Variants in PMF1 observed in about 807,000 individuals in gnomAD.
PMF1 encodes polyamine modulated factor 1.
Under a neutral mutation model 26.7 loss-of-function variants are expected in PMF1, and 21 were observed. The ratio of observed to expected loss-of-function variants is 0.79; its 90% confidence interval spans 0.56 to 1.13. PMF1 has a LOEUF of 1.13. Among genes scored for constraint, PMF1 ranks in the 50% most tolerant of loss-of-function variants. The pLI is 0.00. For synonymous variants in PMF1, 105 were observed against 101.0 expected, an observed-to-expected ratio of 1.04 and a Z score of -0.24; for missense variants, 266 against 254.9, an observed-to-expected ratio of 1.04 and a Z score of -0.30.
intron 1 of PMF1, among the ~76,000 whole-genome samples, chr1:156,228,210 C>A (rs1018966813): frequency 6.7e-6 from 1 of 149,530 alleles, no homozygotes; most frequent in African/African-American, 2.5e-5. Context: ...CCCGCCTCGG[C>A]CTCCCAAAGT....
At chr1:156,227,535 C>T (rs1479272872) in intron 1 of PMF1, among the ~76,000 whole-genome samples, 1 of 149,162 alleles carries the variant, frequency 6.7e-6, no homozygotes, top group Non-Finnish European at 1.5e-5. Context: ...CTTGCTCTGT[C>T]GCCCAGGCTA....
At chr1:156,225,593 C>G in intron 1 of PMF1, 1 of 1,560,348 alleles carries the variant, frequency 6.4e-7, no homozygotes, top group African/African-American at 1.4e-5. Context: ...GTGCTGGTCC[C>G]CGCCTGCCCT....
intron 1 of PMF1, among the ~76,000 whole-genome samples, chr1:156,218,750 C>A (rs1657917100): frequency 6.6e-6 from 1 of 151,826 alleles, no homozygotes; most frequent in Admixed American, 6.6e-5. Context: ...CCACTGCATT[C>A]CAGCCTGGGT....
intron 1 of PMF1, among the ~76,000 whole-genome samples, chr1:156,216,319 A>T (rs1657696845): frequency 1.3e-5 from 2 of 152,132 alleles, no homozygotes; most frequent in Non-Finnish European, 2.9e-5. Flanking sequence ...TGAACCTGGG[A>T]AGCGGAGGTT....
intron 1 of PMF1, among the ~76,000 whole-genome samples, chr1:156,217,736 A>G (rs1417115314): frequency 1.3e-5 from 2 of 152,104 alleles, no homozygotes; most frequent in African/African-American, 4.8e-5. Flanking sequence ...TCAAAAAAAA[A>G]AAAAAAACAA....
chr1:156,233,763 A>T, intron 3 of PMF1, 35 bp downstream of exon 3: 1 of 1,570,464 alleles, frequency 6.4e-7, no homozygotes, highest in South Asian at 1.2e-5. Flanking sequence ...AAGGTACAGG[A>T]AAGAGGCAGC....
rs1658222929 is a variant in PMF1 at position 156,224,028 on chromosome 1, A to ATCTT, written c.162-8288_162-8285dup. On this transcript the variant is annotated intron_variant, in intron 1 of 4. Coordinates refer to ENST00000368277, the MANE Select transcript of PMF1 (RefSeq NM_007221.4). ...TTTATCAAACCACAAAGTTTCTTCC[A>ATCTT]TCTTTCTCAGGAAAAGTATCCCAAT... 3.3e-5 allele frequency: 5 copies of ATCTT among 152,172 alleles called. No homozygotes were observed. The South Asian group carries it at 1.0e-3, about 31-fold the overall frequency. 9.4% of individuals were successfully genotyped at this position (152,172 alleles called of 1,614,324 possible).
chr1:156,233,337 T>TA (rs35025033), intron 2 of PMF1, among the ~76,000 whole-genome samples: 1 of 151,062 alleles, frequency 6.6e-6, no homozygotes, highest in Admixed American at 6.6e-5. Flanking sequence ...TTTTTTTTTT[T>TA]AGTAGCGACA....
At chr1:156,225,137 T>G (rs1572489781) in intron 1 of PMF1, among the ~76,000 whole-genome samples, 1 of 151,978 alleles carries the variant, frequency 6.6e-6, no homozygotes, top group Non-Finnish European at 1.5e-5. Context: ...TGACCTCAGG[T>G]AATCCGCCCA....
chr1:156,217,258 AG>A (rs1657821840), intron 1 of PMF1, among the ~76,000 whole-genome samples: 1 of 142,366 alleles, frequency 7.0e-6, no homozygotes, highest in African/African-American at 2.7e-5. Flanking sequence ...AAAAAAAAAA[AG>A]GAATAGAGAG....
At chr1:156,236,220 G>A in intron 3 of PMF1, 68 bp from the exon 4 acceptor site, 1 of 1,548,174 alleles carries the variant, frequency 6.5e-7, no homozygotes, top group Non-Finnish European at 8.8e-7. Flanking sequence ...TGTGGGCTTG[G>A]AAGCTGAACC....
At position 156,239,617 on chromosome 1, in the gene PMF1, C is replaced by T; in HGVS notation, c.*16C>T. The T allele has an allele frequency of 6.2e-7, 1 of 1,610,256 alleles. No individual in the cohort carries two copies. The highest frequency in any genetic ancestry group is 1.1e-5 in the South Asian group (1 of 90,800). On this transcript the variant is annotated 3_prime_UTR_variant, in exon 5 of 5. Coordinates refer to ENST00000368277, the MANE Select transcript of PMF1 (RefSeq NM_007221.4). ...GCCTGAGTGAGGAGACCGCCAGCCC[C>T]AGAAGCAGAGGGCAGTCAAGGTCAA...
chr1:156,238,596 A>G (rs1360396066), intron 4 of PMF1, among the ~76,000 whole-genome samples: 1 of 152,220 alleles, frequency 6.6e-6, no homozygotes, highest in Non-Finnish European at 1.5e-5. Context: ...ACATCTACTT[A>G]TAGCCACTTG....
chr1:156,222,947 G>A (rs1444361133), intron 1 of PMF1, among the ~76,000 whole-genome samples: 2 of 152,204 alleles, frequency 1.3e-5, no homozygotes, highest in African/African-American at 4.8e-5. Context: ...AAAAGAAAGC[G>A]AATTGCATTT....
chr1:156,237,425 C>G (rs1659085735), intron 4 of PMF1: 1 of 151,464 alleles, frequency 6.6e-6, no homozygotes, highest in African/African-American at 2.4e-5. Flanking sequence ...TCTGCATCCT[C>G]ACCAGCATGT....
At chr1:156,216,731 A>G (rs4119260) in intron 1 of PMF1, among the ~76,000 whole-genome samples, 1 of 150,968 alleles carries the variant, frequency 6.6e-6, no homozygotes, top group African/African-American at 2.5e-5. Context: ...ACCCCACCCC[A>G]CTGGCTCCGT....
At chr1:156,231,824 C>T (rs971718041) in intron 1 of PMF1, among the ~76,000 whole-genome samples, 1 of 152,212 alleles carries the variant, frequency 6.6e-6, no homozygotes, top group African/African-American at 2.4e-5. Context: ...GCCAGGGCCC[C>T]CATGGTTGCC....
At chr1:156,236,561 T>G in intron 4 of PMF1, 78 bp downstream of exon 4, 1 of 1,501,734 alleles carries the variant, frequency 6.7e-7, no homozygotes, top group Non-Finnish European at 8.9e-7. Flanking sequence ...GCTTCCTCCA[T>G]TCCAACACAG....
intron 1 of PMF1, chr1:156,225,707 G>A (rs1658337952): frequency 2.0e-6 from 2 of 1,012,090 alleles, no homozygotes; most frequent in Admixed American, 2.1e-5. Context: ...TTAGCACTGT[G>A]TACACCGTGA....
Sources: allele counts gnomAD v4.1 joint callset (sites outside exome capture counted in the v4.1 genomes callset), GRCh38; gene constraint gnomAD v4.1.1; transcripts MANE v1.5; gene names NCBI Gene and HGNC (gene_info 2026-07-23, HGNC 2026-07-21).